The following ZBTB4 variants were observed in gnomAD, a reference collection of about 807,000 sequenced individuals.
ZBTB4 encodes the protein zinc finger and BTB domain containing 4.
ZBTB4 carries 14 observed loss-of-function variants against 59.8 expected under a neutral mutation model. The ratio of observed to expected loss-of-function variants is 0.23; its 90% CI spans 0.15 to 0.37. The LOEUF is 0.37. ZBTB4 is among the 10% of genes least tolerant of loss of function. The pLI is 1.00. For missense variants in ZBTB4, 1,198 were observed against 1,380.8 expected (o/e 0.87, Z 2.10); for synonymous variants, 587 against 575.2 (o/e 1.02, Z -0.29).
Position 7,463,006 on chromosome 17 carries a change from C to T in ZBTB4, c.1976G>A (p.Gly659Glu). The change falls in exon 4 of 4, where the codon GGG becomes GAG. Residue 659 changes from glycine (G) to glutamate (E), a missense_variant. By Grantham distance (98) the Gly-to-Glu change is moderately conservative. Transcript: ENST00000380599. ...EEDEEESKAGGEDQLWRPYYS... is the reference protein window; with the variant it reads ...EEDEEESKAGEEDQLWRPYYS... ...GTAGGGCCTCCAGAGCTGGTCCTCC[C>T]CACCAGCCTTTGATTCCTCCTCATC... 1.2e-6 allele frequency: 2 copies of T among 1,610,852 alleles called. No individual in the cohort carries two copies. The highest frequency in any genetic ancestry group is 1.7e-6 in the Non-Finnish European group (2 of 1,179,262).
At chr17:7,481,581 C>A, upstream of ZBTB4, 1 of 1,243,918 alleles carries the variant, frequency 8.0e-7, no homozygotes, top group East Asian at 2.6e-5. Flanking sequence ...CTCCATTTCC[C>A]CTCCTTTCCT....
intron 1 of ZBTB4, among the ~76,000 whole-genome samples, chr17:7,468,961 C>A (rs533208321): frequency 8.4e-4 from 128 of 152,236 alleles, no homozygotes; most frequent in Non-Finnish European, 1.4e-3. Flanking sequence ...GTTGCCCTGT[C>A]AGTTGGTGAA....
chr17:7,481,350 A>G (rs1487774866), upstream of ZBTB4: 3 of 1,140,580 alleles, frequency 2.6e-6, no homozygotes, highest in Non-Finnish European at 3.4e-6. Context: ...AAAGAAAGAA[A>G]GAAAGAAAAG....
chr17:7,475,566 C>T (rs2070258271), intron 1 of ZBTB4, among the ~76,000 whole-genome samples: 1 of 152,008 alleles, frequency 6.6e-6, no homozygotes, highest in Non-Finnish European at 1.5e-5. Flanking sequence ...ATTCTCCTGC[C>T]TCAGCCTCCA....
rs971728223 is a variant in ZBTB4, at chr17:7,460,264, T to G, written c.*1676A>C. 3 of 152,630 alleles carry G rather than the reference T, an allele frequency of 2.0e-5. No homozygotes were observed. Among genetic ancestry groups the G allele is most frequent in the Non-Finnish European group, 2.9e-5 (2 of 68,046 alleles). The allele number at this position is 152,630 out of a possible 1,614,324, so 9.5% of individuals were successfully genotyped here. A position where few individuals can be genotyped will look rare whatever the true frequency, so the allele number is the denominator to read the frequency against. Reference sequence around the variant, plus strand: ...AGGAGGAATGAAGGAGTGACTCCTCTGTGGTTAACATTCAGGGAGCCTGTC... The same window carrying G: ...AGGAGGAATGAAGGAGTGACTCCTCGGTGGTTAACATTCAGGGAGCCTGTC... On this transcript the variant is annotated 3_prime_UTR_variant, in exon 4 of 4. Transcript: ENST00000380599.
chr17:7,465,682 C>T (rs1463487078), intron 3 of ZBTB4, 29 bp downstream of exon 3: 11 of 1,565,116 alleles, frequency 7.0e-6, no homozygotes, highest in Non-Finnish European at 8.7e-6. Context: ...CAGCCTCCAG[C>T]CGCTCCCCCG....
Position 7,466,851 on chromosome 17 carries a change from T to G in ZBTB4, c.-9-41A>C. On this transcript the variant is annotated intron_variant, in intron 2 of 3. Transcript: ENST00000380599. The surrounding 1 kb of genome is among the most constrained non-coding windows in gnomAD (Gnocchi z 9.1). The stretch of plus-strand genomic sequence containing the variant: ...AGAGGCCGGGTAGAGTCTCAGAGGC[T>G]GGGCAGAGGGCAGGGGCTTCTAAAA... 2 of 1,474,736 alleles carry G rather than the reference T, an allele frequency of 1.4e-6. No individual in the cohort carries two copies. 91.4% of individuals were successfully genotyped at this position (1,474,736 alleles called of 1,614,324 possible). A position where few individuals can be genotyped will look rare whatever the true frequency, so the allele number is the denominator to read the frequency against.
chr17:7,465,040 C>T (rs2070095906), intron 3 of ZBTB4, among the ~76,000 whole-genome samples: 1 of 150,578 alleles, frequency 6.6e-6, no homozygotes. Context: ...CCTGTAGTCC[C>T]AGCTACTCGG....
chr17:7,472,668 G>C (rs530814515), intron 1 of ZBTB4, among the ~76,000 whole-genome samples: 1 of 126,618 alleles, frequency 7.9e-6, no homozygotes, highest in Non-Finnish European at 1.6e-5. Flanking sequence ...TTGAGATGAG[G>C]TCTCACTCCG....
rs2070053195 is a variant in ZBTB4, at chr17:7,463,041, CTCCTCTTCG to C, written c.1932_1940del (p.Asp644_Glu646del). On this transcript the variant is annotated inframe_deletion, in exon 4 of 4. Transcript: ENST00000380599. ...TTGATTCCTCCTCATCCTCCTCCTCCTCCTCTTCGTCCTCCTCCTCTTCGTCCTCCTCAC... is the reference window on the plus strand; with the variant it reads ...TTGATTCCTCCTCATCCTCCTCCTCCTCCTCCTCCTCTTCGTCCTCCTCAC... The C allele has an allele frequency of 6.2e-7, 1 of 1,609,132 alleles. No homozygotes were observed. The highest frequency in any genetic ancestry group is 1.7e-5 in the Admixed American group (1 of 59,904).
rs752239543 is a variant in ZBTB4, at chr17:7,466,661, G to A, written c.141C>T (p.Val47=). ...TGAAGAAGGGACTTGAAGCAGCCAGGACGCTGCGGTGAGCAGGGAACTTGG... is the reference window on the plus strand; with the variant it reads ...TGAAGAAGGGACTTGAAGCAGCCAGAACGCTGCGGTGAGCAGGGAACTTGG... ...GDTKFPAHRS[V]LAASSPFFRE... is the part of the protein sequence containing the mutation. The change falls in exon 3 of 4, where the codon GTC becomes GTT. Residue 47 remains valine, a synonymous_variant. Transcript: ENST00000380599. This position sits in a 1 kb window ranked among gnomAD's most constrained non-coding sequence, Gnocchi z 9.1. 1.2e-5 allele frequency: 19 copies of A among 1,613,514 alleles called. No individual in the cohort carries two copies. The highest frequency in any genetic ancestry group is 1.7e-5 in the Admixed American group (1 of 59,928).
upstream of ZBTB4, chr17:7,483,259 T>G: frequency 1.5e-6 from 1 of 664,900 alleles, no homozygotes; most frequent in Non-Finnish European, 2.5e-6. Flanking sequence ...GAGGAGCAGA[T>G]CCAAACGGCT....
At chr17:7,481,843 C>T, upstream of ZBTB4, 1 of 1,221,980 alleles carries the variant, frequency 8.2e-7, no homozygotes, top group Non-Finnish European at 1.1e-6. Context: ...CTTTTAGGCC[C>T]TTTCTAGCTC....
rs544587458 is a variant in ZBTB4, at chr17:7,460,148, T to C, written c.*1792A>G. ...GTGTGTTTTTCCCCATTTGAAACCT[T>C]TCCCCCCCTTAAAAATTGGAACTTG... On this transcript the variant is annotated 3_prime_UTR_variant, in exon 4 of 4. Transcript: ENST00000380599. 2.0e-5 allele frequency: 3 copies of C among 152,746 alleles called. No homozygotes were observed. Among genetic ancestry groups the C allele is most frequent in the Admixed American group, 1.3e-4 (2 of 15,300 alleles). The allele number at this position is 152,746 out of a possible 1,614,324, so 9.5% of individuals were successfully genotyped here.
Position 7,462,912 on chromosome 17 carries a change from G to T in ZBTB4, c.2070C>A (p.Pro690=). Residue 690 remains proline (P), a synonymous_variant, in exon 4 of 4, where the codon CCC becomes CCA. Transcript: ENST00000380599. This position sits in a 1 kb window ranked among gnomAD's most constrained non-coding sequence, Gnocchi z 7.5. ...GGASVGGSGL[P]RGRRPPRWRQ... is the part of the protein sequence containing the mutation. ...TCCAACGTGGTGGCCGGCGGCCTCGGGGCAGCCCACTGCCCCCCACACTGG... is the reference window on the plus strand; with the variant it reads ...TCCAACGTGGTGGCCGGCGGCCTCGTGGCAGCCCACTGCCCCCCACACTGG... The T allele has an allele frequency of 6.2e-7, 1 of 1,609,344 alleles. No homozygotes were observed. The highest frequency in any genetic ancestry group is 8.5e-7 in the Non-Finnish European group (1 of 1,179,650).
At chr17:7,465,066 G>A (rs1002485098) in intron 3 of ZBTB4, among the ~76,000 whole-genome samples, 3 of 148,192 alleles carry the variant, frequency 2.0e-5, no homozygotes, top group African/African-American at 7.5e-5. Flanking sequence ...TGAGGCAGGA[G>A]AATGGCGTGA....
chr17:7,474,928 C>T (rs1329151552), intron 1 of ZBTB4, among the ~76,000 whole-genome samples: 1 of 143,968 alleles, frequency 6.9e-6, no homozygotes, highest in East Asian at 2.2e-4. Context: ...AGGAGAATTG[C>T]TTGAACCGGG....
At position 7,466,610 on chromosome 17, in the gene ZBTB4, T is replaced by C. The variant is rs773366702; in HGVS notation, c.192A>G (p.Pro64=). 3 of 1,613,610 alleles carry C rather than the reference T, an allele frequency of 1.9e-6. 1 individual carries two copies. In the South Asian group the frequency reaches 3.3e-5, roughly 18 times the overall value. Residue 64 remains proline (P), a synonymous_variant, in exon 3 of 4, where the codon CCA becomes CCG. Coordinates refer to ENST00000380599, the MANE Select transcript of ZBTB4 (RefSeq NM_001128833.2). This position sits in a 1 kb window ranked among gnomAD's most constrained non-coding sequence, Gnocchi z 9.1. ...CCCCAGTAGCTGGTGGAAGGGGTAGTGGGGCTGAAGTGAGCAGGGCCTCTC... is the reference window on the plus strand; with the variant it reads ...CCCCAGTAGCTGGTGGAAGGGGTAGCGGGGCTGAAGTGAGCAGGGCCTCTC... The part of the protein sequence containing the change: ...FFREALLTSA[P]LPLPPATGGA...
chr17:7,474,950 T>G (rs866195479), intron 1 of ZBTB4, among the ~76,000 whole-genome samples: 4 of 138,310 alleles, frequency 2.9e-5, no homozygotes, highest in Non-Finnish European at 4.5e-5. Context: ...AGGTGGCGGT[T>G]GCAGCGAGCA....
Sources: gnomAD v4.1 joint callset for allele counts (sites outside exome capture counted in the v4.1 genomes callset) on GRCh38, gnomAD v4.1.1 for gene constraint, Gnocchi (gnomAD v3.1) non-coding constraint, MANE v1.5 for transcripts, NCBI Gene and HGNC (gene_info 2026-07-23, HGNC 2026-07-21) for gene names.